HCN1: variants seen among roughly 807,000 people sequenced by gnomAD.
HCN1 encodes the protein hyperpolarization activated cyclic nucleotide gated potassium channel 1, also known as potassium/sodium hyperpolarization-activated cyclic nucleotide-gated channel 1.
A neutral mutation model predicts 78.9 loss-of-function variants in HCN1; 13 were observed. The ratio of observed to expected loss-of-function variants is 0.16; its 90% CI spans 0.11 to 0.26. The LOEUF (loss-of-function observed/expected upper bound fraction) is 0.26. HCN1 is among the 10% of genes least tolerant of loss of function. The pLI is 1.00. For missense variants in HCN1, 810 were observed against 1,154.3 expected (o/e 0.70, Z 4.32); for synonymous variants, 552 against 455.5 (o/e 1.21, Z -2.70).
chr5:45,542,318 C>A (rs1743121360), intron 2 of HCN1, among the ~76,000 whole-genome samples: 1 of 151,930 alleles, frequency 6.6e-6, no homozygotes, highest in South Asian at 2.1e-4. Context: ...TGCAATTTCC[C>A]AATAAGTTGA....
intron 4 of HCN1, among the ~76,000 whole-genome samples, chr5:45,373,922 C>T (rs1342509081): frequency 1.7e-5 from 2 of 120,058 alleles, no homozygotes; most frequent in Non-Finnish European, 3.4e-5. Context: ...ACGGTATATA[C>T]ATCATATATA....
intron 3 of HCN1, among the ~76,000 whole-genome samples, chr5:45,449,361 C>T (rs1316692390): frequency 6.6e-6 from 1 of 152,130 alleles, no homozygotes; most frequent in Non-Finnish European, 1.5e-5. Context: ...TACTTGCATG[C>T]TTCTTATCAG....
chr5:45,675,595 G>T (rs868793562), intron 1 of HCN1, among the ~76,000 whole-genome samples: 1 of 151,638 alleles, frequency 6.6e-6, no homozygotes, highest in South Asian at 2.1e-4. Flanking sequence ...TTTCAAACTG[G>T]ACAGTACCTT....
At chr5:45,370,613 T>G (rs1043396541) in intron 4 of HCN1, among the ~76,000 whole-genome samples, 2 of 152,086 alleles carry the variant, frequency 1.3e-5, no homozygotes, top group Non-Finnish European at 2.9e-5. Flanking sequence ...AGTTTTTATA[T>G]AATTATAAAC....
intron 1 of HCN1, among the ~76,000 whole-genome samples, chr5:45,692,442 A>G (rs1458970391): frequency 3.3e-5 from 5 of 152,166 alleles, no homozygotes. Flanking sequence ...TTTTTAAGTA[A>G]CTATCCCTAT....
rs951226894 is a variant in HCN1, at chr5:45,557,421, A to G, written c.849+87764T>C. Among the ~76,000 whole-genome samples, 3 of 152,136 alleles carry G rather than the reference A, an allele frequency of 2.0e-5. No individual in the cohort carries two copies. In the East Asian group the frequency reaches 5.8e-4, roughly 29 times the overall value. On this transcript the variant is annotated intron_variant, in intron 2 of 7. Transcript: ENST00000303230. The stretch of plus-strand genomic sequence containing the variant: ...TTACTGGGCAGACAATTCAGAATAA[A>G]AAGTTTTATTTCATCACATATTTCT...
chr5:45,274,590 C>T (rs1485551806), intron 6 of HCN1, among the ~76,000 whole-genome samples: 2 of 152,084 alleles, frequency 1.3e-5, no homozygotes, highest in East Asian at 1.9e-4. Flanking sequence ...TCCCCATTTC[C>T]TTGTATTCTA....
At chr5:45,599,094 A>G (rs1173521470) in intron 2 of HCN1, among the ~76,000 whole-genome samples, 4 of 151,928 alleles carry the variant, frequency 2.6e-5, no homozygotes, top group Non-Finnish European at 4.4e-5. Flanking sequence ...AAATCACTAT[A>G]AAGACACATG....
rs772669067 is a variant in HCN1 at position 45,303,682 on chromosome 5, AT to A, written c.1534del (p.Met512CysfsTer19). 6.2e-7 allele frequency: 1 copy of A among 1,613,522 alleles called. No homozygotes were observed. Among genetic ancestry groups the A allele is most frequent in the Non-Finnish European group, 8.5e-7 (1 of 1,179,720 alleles). ...IIREGAVGKK[M>X]YFIQHGVAGV... ...AGCAACACCGTGTTGAATGAAATAC[AT>A]TTTTTTACCCACGGCTCCTTCTCGT... On this transcript the variant is annotated frameshift_variant, in exon 6 of 8. Transcript: ENST00000303230. LOFTEE classifies it high-confidence loss of function.
chr5:45,362,896 C>T lies in HCN1; in HGVS notation c.1231-9650G>A, dbSNP rs535461447. Among the ~76,000 whole-genome samples, 6 of 151,884 alleles carry T rather than the reference C, an allele frequency of 4.0e-5. No homozygotes were observed. The South Asian group carries it at 1.2e-3, about 32-fold the overall frequency. ...ATCCTATTTTTCTTCTCTCCTTTCT[C>T]AACCAGTTTCTTGAAAGTGTGGTCT... On this transcript the variant is annotated intron_variant, in intron 4 of 7. Coordinates refer to ENST00000303230, the MANE Select transcript of HCN1 (RefSeq NM_021072.4).
intron 6 of HCN1, among the ~76,000 whole-genome samples, chr5:45,277,010 A>G (rs6451793): frequency 0.28 from 41,875 of 151,904 alleles, 7,016 homozygotes; most frequent in African/African-American, 0.47. Flanking sequence ...TAAGTATTTG[A>G]TTAGGCATAG....
At chr5:45,562,949 A>G (rs1743635067) in intron 2 of HCN1, among the ~76,000 whole-genome samples, 1 of 152,216 alleles carries the variant, frequency 6.6e-6, no homozygotes, top group African/African-American at 2.4e-5. Flanking sequence ...GAACTTGAAG[A>G]AAGGACATAT....
intron 3 of HCN1, among the ~76,000 whole-genome samples, chr5:45,456,025 A>G (rs1436167664): frequency 3.3e-5 from 5 of 151,940 alleles, no homozygotes; most frequent in South Asian, 2.1e-4. Flanking sequence ...TTCTCTCCAT[A>G]TAGATTTTAC....
chr5:45,456,571 A>C (rs1741034043), intron 3 of HCN1, among the ~76,000 whole-genome samples: 1 of 152,046 alleles, frequency 6.6e-6, no homozygotes, highest in Non-Finnish European at 1.5e-5. Context: ...TTTGATTATA[A>C]TGTTACTCAA....
chr5:45,516,293 G>T (rs1468252798), intron 2 of HCN1, among the ~76,000 whole-genome samples: 6 of 151,806 alleles, frequency 4.0e-5, no homozygotes, highest in Non-Finnish European at 8.8e-5. Context: ...AACTACTAGA[G>T]TACTTGTATT....
At chr5:45,292,413 A>T (rs778789804) in intron 6 of HCN1, among the ~76,000 whole-genome samples, 9 of 152,034 alleles carry the variant, frequency 5.9e-5, no homozygotes, top group Non-Finnish European at 1.2e-4. Context: ...ACCGTGTTAA[A>T]TTTACAACAT....
intron 2 of HCN1, among the ~76,000 whole-genome samples, chr5:45,630,139 GC>G (rs1399193195): frequency 2.0e-5 from 3 of 152,098 alleles, no homozygotes; most frequent in African/African-American, 7.2e-5. Context: ...GCCCCCTAAT[GC>G]TTCCACTCTT....
At chr5:45,416,399 C>T (rs954252055) in intron 3 of HCN1, among the ~76,000 whole-genome samples, 4 of 151,926 alleles carry the variant, frequency 2.6e-5, no homozygotes, top group Non-Finnish European at 4.4e-5. Flanking sequence ...AAATATTATT[C>T]TTCACATATT....
chr5:45,469,059 T>G (rs1373908797), intron 2 of HCN1, among the ~76,000 whole-genome samples: 5 of 152,020 alleles, frequency 3.3e-5, no homozygotes, highest in Non-Finnish European at 5.9e-5. Flanking sequence ...CATTTTGGTA[T>G]AGTTATATTT....
Sources: gnomAD v4.1 joint callset for allele counts (sites outside exome capture counted in the v4.1 genomes callset) on GRCh38, gnomAD v4.1.1 for gene constraint, MANE v1.5 for transcripts, NCBI Gene and HGNC (gene_info 2026-07-23, HGNC 2026-07-21) for gene names.